Variants in HKDC1 observed in about 807,000 individuals in gnomAD.
The protein encoded by HKDC1 is hexokinase HKDC1.
A neutral mutation model predicts 96.6 loss-of-function variants in HKDC1; 66 were observed. The ratio of observed to expected loss-of-function variants is 0.68; its 90% CI spans 0.56 to 0.84. The LOEUF is 0.84. HKDC1 is among the 40% of genes least tolerant of loss of function. HKDC1 has a pLI of 0.00. For missense variants in HKDC1, 1,211 were observed against 1,208.1 expected, an observed-to-expected ratio of 1.00 and a Z score of -0.04; for synonymous variants, 466 against 473.1, an observed-to-expected ratio of 0.98 and a Z score of 0.20.
chr10:69,220,410 C>T lies in HKDC1; in HGVS notation c.-26C>T, dbSNP rs1181729401. 2.5e-6 allele frequency: 4 copies of T among 1,583,110 alleles called. No individual in the cohort carries two copies. In the African/African-American group the frequency reaches 4.1e-5, roughly 16 times the overall value. On this transcript the variant is annotated 5_prime_UTR_variant, in exon 1 of 18. Transcript: ENST00000354624. ...ACACTGCACAGGAATCTCTGCCCAT[C>T]TCAGGAGAAACCAAACTTGGGGAAA...
chr10:69,260,695 AG>A (rs1843791665), intron 15 of HKDC1, among the ~76,000 whole-genome samples: 2 of 152,174 alleles, frequency 1.3e-5, no homozygotes, highest in African/African-American at 4.8e-5. Flanking sequence ...GGTCAGTACA[AG>A]GCCCCTTTTC....
intron 1 of HKDC1, among the ~76,000 whole-genome samples, chr10:69,224,663 G>A (rs1258022727): frequency 2.0e-5 from 3 of 152,222 alleles, no homozygotes. Flanking sequence ...GGGTCAAAGA[G>A]CGGAATTTTT....
chr10:69,261,340 T>C, intron 16 of HKDC1, 46 bp downstream of exon 16: 1 of 1,587,250 alleles, frequency 6.3e-7, no homozygotes, highest in East Asian at 2.3e-5. Flanking sequence ...TGGCATATGC[T>C]GCCACCACGC....
chr10:69,239,011 C>T, intron 4 of HKDC1, 31 bp from the exon 5 acceptor site: 1 of 1,529,786 alleles, frequency 6.5e-7, no homozygotes, highest in Non-Finnish European at 9.0e-7. Flanking sequence ...GCACGTCTTT[C>T]ATTCAAACTG....
intron 4 of HKDC1, among the ~76,000 whole-genome samples, chr10:69,233,910 A>AAAAG (rs71035079): frequency 7.0e-6 from 1 of 142,856 alleles, no homozygotes. Flanking sequence ...AAAAAAAAAA[A>AAAAG]GGAATGGGGG....
At chr10:69,227,552 C>A (rs1471225004) in intron 2 of HKDC1, among the ~76,000 whole-genome samples, 183 bp downstream of exon 2, 1 of 151,992 alleles carries the variant, frequency 6.6e-6, no homozygotes, top group Non-Finnish European at 1.5e-5. Flanking sequence ...AGTTCTGCAG[C>A]CCCAGGCACC....
chr10:69,229,631 G>C (rs1285479977), intron 2 of HKDC1, among the ~76,000 whole-genome samples: 1 of 152,196 alleles, frequency 6.6e-6, no homozygotes, highest in Non-Finnish European at 1.5e-5. Context: ...ATGGTCTGGA[G>C]GCTCTGGGAC....
Position 69,267,056 on chromosome 10 carries a change from T to G in HKDC1, c.*299T>G. ...GGTGAGGCTTGAGCTGTCAATTCTCTATGGCTTTCAGTCTTGTGGCTGCGG... is the reference window on the plus strand; with the variant it reads ...GGTGAGGCTTGAGCTGTCAATTCTCGATGGCTTTCAGTCTTGTGGCTGCGG... On this transcript the variant is annotated 3_prime_UTR_variant, in exon 18 of 18. Transcript: ENST00000354624. 1 of 264,508 alleles carries G rather than the reference T, an allele frequency of 3.8e-6. No homozygotes were observed. 16.4% of individuals were successfully genotyped at this position (264,508 alleles called of 1,614,324 possible). A position where few individuals can be genotyped will look rare whatever the true frequency, so the allele number is the denominator to read the frequency against.
intron 7 of HKDC1, 53 bp from the exon 8 acceptor site, chr10:69,246,026 G>T (rs763248633): frequency 3.8e-6 from 6 of 1,597,046 alleles, no homozygotes; most frequent in Non-Finnish European, 4.3e-6. Context: ...TTCGGGAAAT[G>T]ATGCAGCTTA....
chr10:69,244,941 G>A (rs533784596), intron 7 of HKDC1, among the ~76,000 whole-genome samples: 154 of 151,798 alleles, frequency 1.0e-3, no homozygotes, highest in African/African-American at 3.6e-3. Flanking sequence ...TCACTCTGTC[G>A]CCAAGGCTGG....
chr10:69,222,481 C>T (rs150410572), intron 1 of HKDC1, among the ~76,000 whole-genome samples: 1 of 152,338 alleles, frequency 6.6e-6, no homozygotes, highest in Non-Finnish European at 1.5e-5. Flanking sequence ...TCTCTCCCAC[C>T]CCCAAGGGGG....
Position 69,252,367 on chromosome 10 carries a change from C to T in HKDC1, c.1836+1715C>T, listed in dbSNP as rs547608534. Among the ~76,000 whole-genome samples, 32 of 152,072 alleles carry T rather than the reference C, an allele frequency of 2.1e-4. 1 individual carries two copies. The highest frequency in any genetic ancestry group is 7.2e-4 in the African/African-American group (30 of 41,474). On this transcript the variant is annotated intron_variant, in intron 12 of 17. Transcript: ENST00000354624. Reference sequence around the variant, plus strand: ...TGTCTTAAAAAACAAACAAACAGGCCGGGAGCGGTGGCTCATGCCTATAAT... The same window carrying T: ...TGTCTTAAAAAACAAACAAACAGGCTGGGAGCGGTGGCTCATGCCTATAAT...
chr10:69,226,303 A>G (rs1199140517), intron 1 of HKDC1, among the ~76,000 whole-genome samples: 1 of 152,120 alleles, frequency 6.6e-6, no homozygotes, highest in Non-Finnish European at 1.5e-5. Context: ...ATCTGAGCTG[A>G]CTTTAAAAAT....
chr10:69,251,268 G>T (rs1005457937), intron 12 of HKDC1, among the ~76,000 whole-genome samples: 5 of 151,578 alleles, frequency 3.3e-5, no homozygotes, highest in South Asian at 2.1e-4. Context: ...CTAATTTTTT[G>T]TATTTTTAGT....
Position 69,240,648 on chromosome 10 carries a change from G to A in HKDC1, c.592-4G>A, listed in dbSNP as rs756249330. On this transcript the variant is annotated splice_region_variant and splice_polypyrimidine_tract_variant and intron_variant, in intron 5 of 17. Transcript: ENST00000354624. ...CTGATTCCCTCTGGCCTTGTGTTCGGCAGGACATGGACGTGGACATCCTGG... is the reference window on the plus strand; with the variant it reads ...CTGATTCCCTCTGGCCTTGTGTTCGACAGGACATGGACGTGGACATCCTGG... 6.2e-7 allele frequency: 1 copy of A among 1,612,932 alleles called. No individual in the cohort carries two copies. The highest frequency in any genetic ancestry group is 1.1e-5 in the South Asian group (1 of 90,996).
At chr10:69,239,330 G>C (rs73280649) in intron 5 of HKDC1, among the ~76,000 whole-genome samples, 193 bp downstream of exon 5, 40 of 152,348 alleles carry the variant, frequency 2.6e-4, no homozygotes, top group African/African-American at 8.2e-4. Context: ...ACAGAGCCTT[G>C]GTAGGCGGGG....
chr10:69,251,926 A>G (rs545188882), intron 12 of HKDC1, among the ~76,000 whole-genome samples: 4 of 151,436 alleles, frequency 2.6e-5, no homozygotes, highest in East Asian at 1.9e-4. Context: ...CAACTGGCTA[A>G]TTTTTGTATT....
At chr10:69,228,869 A>G (rs10998654) in intron 2 of HKDC1, among the ~76,000 whole-genome samples, 9,538 of 151,680 alleles carry the variant, frequency 0.063, 1,033 homozygotes, top group African/African-American at 0.22. Flanking sequence ...CCATCAAAAA[A>G]GAAAGAAAGA....
intron 4 of HKDC1, among the ~76,000 whole-genome samples, chr10:69,235,358 G>A (rs1843344660): frequency 6.7e-6 from 1 of 149,804 alleles, no homozygotes; most frequent in Non-Finnish European, 1.5e-5. Context: ...CAAGGTGGAG[G>A]TTGTGGTGAG....
Sources: allele counts gnomAD v4.1 joint callset (sites outside exome capture counted in the v4.1 genomes callset), GRCh38; gene constraint gnomAD v4.1.1; transcripts MANE v1.5; gene names NCBI Gene and HGNC (gene_info 2026-07-23, HGNC 2026-07-21).